Variants in TDRD3 observed in about 807,000 individuals in gnomAD.
The protein encoded by TDRD3 is tudor domain-containing protein 3.
Under a neutral mutation model 86.7 loss-of-function variants are expected in TDRD3, and 45 were observed. That is an observed-to-expected ratio of 0.52 (90% CI 0.41 to 0.67). The LOEUF is 0.67. TDRD3 is among the 30% of genes least tolerant of loss of function. The pLI, the probability that TDRD3 is intolerant of heterozygous loss-of-function variation, is 0.00. For missense variants in TDRD3, 814 were observed against 889.0 expected (o/e 0.92, Z 1.07); for synonymous variants, 298 against 301.7 (o/e 0.99, Z 0.13).
intron 5 of TDRD3, among the ~76,000 whole-genome samples, chr13:60,473,233 C>T (rs1376757644): frequency 2.0e-5 from 3 of 152,188 alleles, no homozygotes; most frequent in African/African-American, 7.2e-5. Flanking sequence ...ATCCCACTCC[C>T]AAGATAACTA....
intron 8 of TDRD3, among the ~76,000 whole-genome samples, chr13:60,507,930 G>A (rs1956973441): frequency 6.6e-6 from 1 of 152,104 alleles, no homozygotes; most frequent in African/African-American, 2.4e-5. Context: ...CAAACTCTCA[G>A]GATACAAAGC....
chr13:60,473,382 A>G (rs991335082), intron 5 of TDRD3, among the ~76,000 whole-genome samples: 5 of 152,248 alleles, frequency 3.3e-5, no homozygotes, highest in Non-Finnish European at 5.9e-5. Context: ...AGACAGTCAA[A>G]TCATAGCACT....
At chr13:60,414,156 G>T (rs1954435224) in intron 1 of TDRD3, among the ~76,000 whole-genome samples, 1 of 152,174 alleles carries the variant, frequency 6.6e-6, no homozygotes, top group South Asian at 2.1e-4. Context: ...GTAAATTTGT[G>T]AGACAATGTA....
intron 6 of TDRD3, 136 bp from the exon 7 acceptor site, chr13:60,485,663 G>T: frequency 1.6e-6 from 1 of 641,828 alleles, no homozygotes; most frequent in Non-Finnish European, 2.3e-6. Context: ...TAAATATATG[G>T]GATAGAATTT....
intron 8 of TDRD3, among the ~76,000 whole-genome samples, chr13:60,498,640 C>T (rs1566245865): frequency 1.3e-5 from 2 of 152,220 alleles, no homozygotes; most frequent in Non-Finnish European, 2.9e-5. Flanking sequence ...AGTTTACAGA[C>T]CCAGAATCCC....
At chr13:60,396,515 C>G (rs1192882668), upstream of TDRD3, 1 of 152,452 alleles carries the variant, frequency 6.6e-6, no homozygotes, top group Non-Finnish European at 1.5e-5. Flanking sequence ...GGGGAAGCGG[C>G]TGTGGTTGCC....
At chr13:60,460,745 C>A in intron 4 of TDRD3, 1 of 409,882 alleles carries the variant, frequency 2.4e-6, no homozygotes, top group Non-Finnish European at 4.0e-6. Flanking sequence ...TGGCTCAAGC[C>A]TGTAATCCCA....
At chr13:60,517,243 G>A (rs921950366) in intron 10 of TDRD3, among the ~76,000 whole-genome samples, 1 of 151,040 alleles carries the variant, frequency 6.6e-6, no homozygotes, top group South Asian at 2.1e-4. Flanking sequence ...TAGATTTACT[G>A]CTTGAACTTT....
intron 1 of TDRD3, among the ~76,000 whole-genome samples, chr13:60,423,042 A>C (rs535311717): frequency 6.7e-4 from 102 of 152,324 alleles, no homozygotes; most frequent in African/African-American, 2.3e-3. Context: ...TAAAATCCTT[A>C]GGACCGACAT....
chr13:60,536,805 A>G (rs1227029248), intron 12 of TDRD3: 1 of 151,938 alleles, frequency 6.6e-6, no homozygotes, highest in East Asian at 1.9e-4. Flanking sequence ...TGATGAGCAC[A>G]TTTCTTATTC....
intron 7 of TDRD3, among the ~76,000 whole-genome samples, chr13:60,489,869 T>C (rs1362108519): frequency 6.6e-6 from 1 of 152,184 alleles, no homozygotes; most frequent in African/African-American, 2.4e-5. Context: ...AAAATGATTA[T>C]AGAAAGATGT....
At chr13:60,464,316 A>G (rs2138068517) in intron 4 of TDRD3, among the ~76,000 whole-genome samples, 1 of 152,336 alleles carries the variant, frequency 6.6e-6, no homozygotes. Flanking sequence ...AATGTAAATT[A>G]GTGCAACCAC....
At chr13:60,479,594 A>G (rs1420921382) in intron 5 of TDRD3, among the ~76,000 whole-genome samples, 1 of 152,174 alleles carries the variant, frequency 6.6e-6, no homozygotes, top group Non-Finnish European at 1.5e-5. Flanking sequence ...TTTCAGTGGT[A>G]TGTTGAAATC....
chr13:60,505,338 G>T (rs1228349453), intron 8 of TDRD3, among the ~76,000 whole-genome samples: 1 of 152,194 alleles, frequency 6.6e-6, no homozygotes, highest in Non-Finnish European at 1.5e-5. Flanking sequence ...TTCTCACTGG[G>T]CAGAGTCCAC....
intron 1 of TDRD3, among the ~76,000 whole-genome samples, chr13:60,400,653 G>T (rs546780184): frequency 6.6e-6 from 1 of 151,580 alleles, no homozygotes; most frequent in African/African-American, 2.4e-5. Context: ...CAGGAGAATC[G>T]CTTGAACCCA....
At chr13:60,479,560 C>T (rs1956268314) in intron 5 of TDRD3, among the ~76,000 whole-genome samples, 1 of 152,170 alleles carries the variant, frequency 6.6e-6, no homozygotes, top group Non-Finnish European at 1.5e-5. Flanking sequence ...TGTTATGTTT[C>T]TGCATTGATG....
At chr13:60,452,488 A>G (rs1955573309) in intron 3 of TDRD3, among the ~76,000 whole-genome samples, 1 of 151,994 alleles carries the variant, frequency 6.6e-6, no homozygotes, top group Non-Finnish European at 1.5e-5. Flanking sequence ...ATTATTCTGT[A>G]TATTCTTTTG....
At chr13:60,490,072 T>TTA (rs1555281493) in intron 7 of TDRD3, among the ~76,000 whole-genome samples, 9 of 149,886 alleles carry the variant, frequency 6.0e-5, no homozygotes, top group Admixed American at 4.0e-4. Context: ...TTTTTTTTTT[T>TTA]ACAGCAGACA....
chr13:60,566,197 A>G (rs1192077895), intron 12 of TDRD3, among the ~76,000 whole-genome samples: 7 of 152,160 alleles, frequency 4.6e-5, no homozygotes, highest in Non-Finnish European at 7.4e-5. Context: ...TCTTAGAAGT[A>G]TTAGGGCAAA....
Sources: allele counts gnomAD v4.1 joint callset (sites outside exome capture counted in the v4.1 genomes callset), GRCh38; gene constraint gnomAD v4.1.1; transcripts MANE v1.5; gene names NCBI Gene and HGNC (gene_info 2026-07-23, HGNC 2026-07-21).